HCN1: variants seen among roughly 807,000 people sequenced by gnomAD.
The protein encoded by HCN1 is hyperpolarization activated cyclic nucleotide gated potassium channel 1.
A neutral mutation model predicts 78.9 loss-of-function variants in HCN1; 13 were observed. That is an observed-to-expected ratio of 0.16 (90% CI 0.11 to 0.26). The LOEUF is 0.26. Ranked by LOEUF, HCN1 falls within the 10% of genes least tolerant of loss-of-function variation. The pLI is 1.00. For synonymous variants in HCN1, 552 were observed against 455.5 expected (o/e 1.21, Z -2.70); for missense variants, 810 against 1,154.3 (o/e 0.70, Z 4.32).
At chr5:45,528,725 C>T (rs1446297707) in intron 2 of HCN1, among the ~76,000 whole-genome samples, 1 of 151,998 alleles carries the variant, frequency 6.6e-6, no homozygotes, top group Non-Finnish European at 1.5e-5. Flanking sequence ...AACCCCCACA[C>T]TATCTTCAAA....
chr5:45,416,584 G>T (rs1326719506), intron 3 of HCN1, among the ~76,000 whole-genome samples: 2 of 151,894 alleles, frequency 1.3e-5, no homozygotes, highest in Non-Finnish European at 1.5e-5. Context: ...AGTGAAATAA[G>T]TGCTTATAGA....
chr5:45,577,142 A>G (rs1213393228), intron 2 of HCN1, among the ~76,000 whole-genome samples: 1 of 152,178 alleles, frequency 6.6e-6, no homozygotes, highest in Non-Finnish European at 1.5e-5. Flanking sequence ...TTAACCTGCT[A>G]GTACAATCAG....
At chr5:45,316,722 G>T (rs1746001688) in intron 5 of HCN1, among the ~76,000 whole-genome samples, 1 of 152,106 alleles carries the variant, frequency 6.6e-6, no homozygotes, top group African/African-American at 2.4e-5. Context: ...AAAGTCTCAG[G>T]ATGCAAAATC....
chr5:45,525,765 C>T (rs1350394422), intron 2 of HCN1, among the ~76,000 whole-genome samples: 6 of 151,920 alleles, frequency 3.9e-5, no homozygotes, highest in Non-Finnish European at 5.9e-5. Flanking sequence ...CACTGCTCTG[C>T]CTCAGTGCTC....
chr5:45,686,667 C>T (rs1314040639), intron 1 of HCN1, among the ~76,000 whole-genome samples: 1 of 152,146 alleles, frequency 6.6e-6, no homozygotes, highest in African/African-American at 2.4e-5. Context: ...ATTTACTTGT[C>T]TCCAATGTAC....
intron 2 of HCN1, among the ~76,000 whole-genome samples, chr5:45,504,245 C>G (rs1742249429): frequency 6.6e-6 from 1 of 152,046 alleles, no homozygotes; most frequent in African/African-American, 2.4e-5. Flanking sequence ...TGCTTTCCCT[C>G]CCCTCTCCCC....
chr5:45,627,428 C>T (rs1004701287), intron 2 of HCN1, among the ~76,000 whole-genome samples: 2 of 152,118 alleles, frequency 1.3e-5, no homozygotes, highest in Admixed American at 1.3e-4. Context: ...TTGCATTATA[C>T]TGAGCCATCA....
At chr5:45,263,258 T>C (rs1446279772) in intron 7 of HCN1, among the ~76,000 whole-genome samples, 1 of 152,172 alleles carries the variant, frequency 6.6e-6, no homozygotes, top group Non-Finnish European at 1.5e-5. Context: ...GATGATTTTA[T>C]GTAACCCGCG....
chr5:45,562,167 TAAAC>T (rs1327214724), intron 2 of HCN1, among the ~76,000 whole-genome samples: 18 of 152,092 alleles, frequency 1.2e-4, no homozygotes, highest in Non-Finnish European at 2.6e-4. Flanking sequence ...GCCCTGTCCT[TAAAC>T]CTGTGGAGTT....
chr5:45,667,162 A>T (rs1465509696), intron 1 of HCN1, among the ~76,000 whole-genome samples: 1 of 151,948 alleles, frequency 6.6e-6, no homozygotes, highest in Non-Finnish European at 1.5e-5. Context: ...TAAGCCACAT[A>T]GGGACACAGT....
intron 2 of HCN1, among the ~76,000 whole-genome samples, chr5:45,605,847 TA>T (rs1048335645): frequency 2.4e-4 from 36 of 152,104 alleles, no homozygotes; most frequent in Admixed American, 1.8e-3. Context: ...CTGTGAAGAT[TA>T]AAAAATAAGT....
chr5:45,560,440 CA>C (rs1217703845), intron 2 of HCN1, among the ~76,000 whole-genome samples: 1 of 151,912 alleles, frequency 6.6e-6, no homozygotes, highest in East Asian at 1.9e-4. Flanking sequence ...CATAGCTCAT[CA>C]TTATGTAGAT....
At chr5:45,366,484 T>C (rs888580654) in intron 4 of HCN1, among the ~76,000 whole-genome samples, 1 of 151,780 alleles carries the variant, frequency 6.6e-6, no homozygotes, top group Non-Finnish European at 1.5e-5. Flanking sequence ...TGTTTAAATA[T>C]CACTAATCTT....
At chr5:45,367,210 T>A (rs1747255169) in intron 4 of HCN1, among the ~76,000 whole-genome samples, 1 of 151,752 alleles carries the variant, frequency 6.6e-6, no homozygotes, top group Non-Finnish European at 1.5e-5. Flanking sequence ...AAATCCATAT[T>A]GGTGAATATC....
At chr5:45,345,223 G>A (rs1431081692) in intron 5 of HCN1, among the ~76,000 whole-genome samples, 1 of 152,104 alleles carries the variant, frequency 6.6e-6, no homozygotes, top group Admixed American at 6.5e-5. Context: ...CAAGTCCCTA[G>A]GCTGCACACA....
rs75106937 is a variant in HCN1, at chr5:45,418,916, C to G, written c.1012-22206G>C. 9.8e-3 allele frequency among the ~76,000 whole-genome samples: 1,497 copies of G among 152,190 alleles called. 67 individuals are homozygous for G. The highest frequency in any genetic ancestry group is 0.068 in the Admixed American group (1,039 of 15,258). On this transcript the variant is annotated intron_variant, in intron 3 of 7. Coordinates refer to ENST00000303230, the MANE Select transcript of HCN1 (RefSeq NM_021072.4). ...CAGATCCAGAAGTATCACCAGAGCA[C>G]AAATTACACAATAAAATTGAAGTGA...
intron 3 of HCN1, among the ~76,000 whole-genome samples, chr5:45,397,288 T>C (rs1739705684): frequency 6.6e-6 from 1 of 152,134 alleles, no homozygotes; most frequent in East Asian, 1.9e-4. Context: ...AAGTGATGTA[T>C]ATTGTAATTT....
At chr5:45,513,322 G>T (rs1259865054) in intron 2 of HCN1, among the ~76,000 whole-genome samples, 1 of 152,120 alleles carries the variant, frequency 6.6e-6, no homozygotes, top group Non-Finnish European at 1.5e-5. Context: ...GAGCTCATAG[G>T]AAAGTTACAT....
At position 45,508,521 on chromosome 5, in the gene HCN1, A is replaced by G. The variant is rs149489925; in HGVS notation, c.850-46514T>C. Among the ~76,000 whole-genome samples, 48 of 152,206 alleles carry G rather than the reference A, an allele frequency of 3.2e-4. 1 individual carries two copies. In the East Asian group the frequency reaches 7.1e-3, roughly 23 times the overall value. ...GTATTATCTCTGCTTCTATACTCAA[A>G]CATTAGGCACTGTCTTTTCTGGGAA... On this transcript the variant is annotated intron_variant, in intron 2 of 7. Coordinates refer to ENST00000303230, the MANE Select transcript of HCN1 (RefSeq NM_021072.4).
Sources: allele counts gnomAD v4.1 joint callset (sites outside exome capture counted in the v4.1 genomes callset), GRCh38; gene constraint gnomAD v4.1.1; transcripts MANE v1.5; gene names NCBI Gene and HGNC (gene_info 2026-07-23, HGNC 2026-07-21).